Variants in TSPAN9 observed in about 807,000 individuals in gnomAD.
TSPAN9 encodes the protein tetraspanin 9, also known as tetraspanin-9.
In TSPAN9, 16 loss-of-function variants were observed where a neutral mutation model predicts 31.0. The observed-to-expected ratio is 0.52, with a 90% confidence interval of 0.35 to 0.78. TSPAN9 has a LOEUF of 0.78. Among genes scored for constraint, TSPAN9 ranks in the 30% least tolerant of loss-of-function variants. TSPAN9 has a pLI of 0.01. For synonymous variants in TSPAN9, 145 were observed against 121.6 expected (o/e 1.19, Z -1.27); for missense variants, 272 against 312.5 (o/e 0.87, Z 0.98).
At chr12:3,167,044 T>A (rs147079418) in intron 2 of TSPAN9, among the ~76,000 whole-genome samples, 1,835 of 152,050 alleles carry the variant, frequency 0.012, 25 homozygotes, top group Middle Eastern at 0.02. Flanking sequence ...TGATCCACCC[T>A]CTTTGGCATC....
chr12:3,160,958 C>T (rs2098344817), intron 2 of TSPAN9, among the ~76,000 whole-genome samples: 2 of 152,152 alleles, frequency 1.3e-5, no homozygotes, highest in Admixed American at 1.3e-4. Context: ...CGGTGGCTCA[C>T]GCCTATAATC....
chr12:3,145,238 T>G (rs73050153), intron 2 of TSPAN9, among the ~76,000 whole-genome samples: 1 of 152,164 alleles, frequency 6.6e-6, no homozygotes, highest in Non-Finnish European at 1.5e-5. Context: ...TCTAGACTCT[T>G]GAGCACGTGC....
chr12:3,221,547 C>CA (rs1351251260), intron 3 of TSPAN9, among the ~76,000 whole-genome samples: 1 of 151,980 alleles, frequency 6.6e-6, no homozygotes, highest in East Asian at 1.9e-4. Context: ...TTAGTAGAGA[C>CA]AGAGTTTCAC....
chr12:3,201,874 G>T (rs1460895658), intron 3 of TSPAN9, among the ~76,000 whole-genome samples: 1 of 152,186 alleles, frequency 6.6e-6, no homozygotes, highest in African/African-American at 2.4e-5. Context: ...GAAAGGAGGG[G>T]TGTGGGGGCA....
chr12:3,216,129 C>T (rs3741949), intron 3 of TSPAN9, among the ~76,000 whole-genome samples: 11,114 of 152,234 alleles, frequency 0.073, 430 homozygotes, highest in Middle Eastern at 0.13. Flanking sequence ...CAGAGCCACC[C>T]CATCCCCACC....
At chr12:3,257,784 C>T (rs1259645595) in intron 3 of TSPAN9, among the ~76,000 whole-genome samples, 1 of 129,534 alleles carries the variant, frequency 7.7e-6, no homozygotes, top group Non-Finnish European at 1.7e-5. Flanking sequence ...GGTAGGGGGG[C>T]GGCGGGGAGG....
rs191404614 is a variant in TSPAN9 at position 3,178,406 on chromosome 12, T to G, written c.-17-22771T>G. 8.0e-4 allele frequency among the ~76,000 whole-genome samples: 122 copies of G among 152,182 alleles called. No homozygotes were observed. The East Asian group carries it at 0.017, about 22-fold the overall frequency. ...CCTGGGTTCAAGCGATTCTCCTGCCTTAGCCTCCCGAGTAGCTGGAATTAC... is the reference window on the plus strand; with the variant it reads ...CCTGGGTTCAAGCGATTCTCCTGCCGTAGCCTCCCGAGTAGCTGGAATTAC... On this transcript the variant is annotated intron_variant, in intron 2 of 8. Transcript: ENST00000011898.
At chr12:3,120,413 A>G (rs1362287716) in intron 2 of TSPAN9, among the ~76,000 whole-genome samples, 1 of 152,094 alleles carries the variant, frequency 6.6e-6, no homozygotes, top group Non-Finnish European at 1.5e-5. Context: ...CCCTTGTGCC[A>G]CCAGCAGCCA....
intron 3 of TSPAN9, among the ~76,000 whole-genome samples, chr12:3,253,328 A>G (rs941611080): frequency 6.6e-6 from 1 of 152,220 alleles, no homozygotes; most frequent in Non-Finnish European, 1.5e-5. Flanking sequence ...ACAATCACTC[A>G]TGAAGGATGC....
At chr12:3,176,269 G>A (rs2098355533) in intron 2 of TSPAN9, among the ~76,000 whole-genome samples, 2 of 152,222 alleles carry the variant, frequency 1.3e-5, no homozygotes, top group South Asian at 4.1e-4. Flanking sequence ...GGAGCCCAGC[G>A]ATTGGAGAAG....
intron 2 of TSPAN9, among the ~76,000 whole-genome samples, chr12:3,193,998 TTTCCAGGAACAA>T (rs2098365830): frequency 6.6e-6 from 1 of 152,246 alleles, no homozygotes; most frequent in Non-Finnish European, 1.5e-5. Flanking sequence ...GATAGCCTGC[TTTCCAGGAACAA>T]TTCCATAGAT....
At chr12:3,190,608 C>T (rs886906372) in intron 2 of TSPAN9, among the ~76,000 whole-genome samples, 4 of 152,180 alleles carry the variant, frequency 2.6e-5, no homozygotes, top group Non-Finnish European at 4.4e-5. Context: ...GGCCTGAGAG[C>T]CCAGAGTGGG....
intron 2 of TSPAN9, among the ~76,000 whole-genome samples, chr12:3,109,307 A>AGAGTGT (rs560687812): frequency 2.7e-4 from 38 of 143,320 alleles, no homozygotes; most frequent in African/African-American, 9.7e-4. Context: ...TGTGAGAGAG[A>AGAGTGT]GTGTGTGTGT....
In TSPAN9 at chr12:3,286,439, T is replaced by G. The variant is rs796702016; in HGVS notation, c.*3323T>G. The G allele has an allele frequency of 1.3e-5, 2 of 152,744 alleles. No homozygotes were observed. Among genetic ancestry groups the G allele is most frequent in the African/African-American group, 4.8e-5 (2 of 41,568 alleles). The allele number at this position is 152,744 out of a possible 1,614,324, so 9.5% of individuals were successfully genotyped here. A position where few individuals can be genotyped will look rare whatever the true frequency, so the allele number is the denominator to read the frequency against. ...GAGCAGGGTGAGCACGCTTGTTGGTTTCAGATGCACTTTCTGCTTGCATTG... is the reference window on the plus strand; with the variant it reads ...GAGCAGGGTGAGCACGCTTGTTGGTGTCAGATGCACTTTCTGCTTGCATTG... On this transcript the variant is annotated 3_prime_UTR_variant, in exon 9 of 9. Transcript: ENST00000011898. The surrounding 1 kb of genome is among the most constrained non-coding windows in gnomAD (Gnocchi z 4.1).
intron 2 of TSPAN9, among the ~76,000 whole-genome samples, chr12:3,092,580 A>G (rs12833145): frequency 0.2 from 30,618 of 152,190 alleles, 3,223 homozygotes; most frequent in African/African-American, 0.25. Flanking sequence ...AGATACAGCC[A>G]GAGCCCCCTG....
At chr12:3,281,946 C>A in intron 8 of TSPAN9, 129 bp downstream of exon 8, 1 of 1,049,300 alleles carries the variant, frequency 9.5e-7, no homozygotes, top group African/African-American at 1.6e-5. Flanking sequence ...GCTATTCAAG[C>A]TTAGCAGCTG....
In TSPAN9 at chr12:3,280,368, C is replaced by CTGGTTCCAACCGTCTCA; in HGVS notation, c.331-14_331-13insTGGTTCCAACCGTCTCA. ...CTGGTTCCAACCGTCTCACTGTGTC[C>CTGGTTCCAACCGTCTCA]CTCCGCCTGGCAGGTGAACGAGAAC... On this transcript the variant is annotated splice_polypyrimidine_tract_variant and intron_variant, in intron 5 of 8. Coordinates refer to ENST00000011898, the MANE Select transcript of TSPAN9 (RefSeq NM_006675.5). This position sits in a 1 kb window ranked among gnomAD's most constrained non-coding sequence, Gnocchi z 4.5. 1 of 1,611,120 alleles carries CTGGTTCCAACCGTCTCA rather than the reference C, an allele frequency of 6.2e-7. No individual in the cohort carries two copies. The highest frequency in any genetic ancestry group is 8.5e-7 in the Non-Finnish European group (1 of 1,179,270).
intron 3 of TSPAN9, among the ~76,000 whole-genome samples, chr12:3,226,736 GTGTGTGTGTATATATATATATA>G (rs1565622377): frequency 4.5e-4 from 5 of 11,088 alleles, no homozygotes; most frequent in African/African-American, 5.4e-4. Context: ...GTGTGTGTGT[GTGTGTGTGTATATATATATATA>G]TATATATATA....
chr12:3,250,944 T>C (rs1327876782), intron 3 of TSPAN9, among the ~76,000 whole-genome samples: 5 of 152,266 alleles, frequency 3.3e-5, no homozygotes, highest in East Asian at 3.8e-4. Context: ...CACTGGGCTC[T>C]GTTCCATGCA....
Sources: gnomAD v4.1 joint callset for allele counts (sites outside exome capture counted in the v4.1 genomes callset) on GRCh38, gnomAD v4.1.1 for gene constraint, Gnocchi (gnomAD v3.1) non-coding constraint, MANE v1.5 for transcripts, NCBI Gene and HGNC (gene_info 2026-07-23, HGNC 2026-07-21) for gene names.